MOB2: variants seen among roughly 807,000 people sequenced by gnomAD.
The protein encoded by MOB2 is MOB2 Mps One Binder homolog.
In MOB2, 14 loss-of-function variants were observed where a neutral mutation model predicts 27.4. The observed-to-expected ratio is 0.51, with a 90% CI of 0.34 to 0.80. The LOEUF is 0.80. Among genes scored for constraint, MOB2 ranks in the 30% least tolerant of loss-of-function variants. The pLI is 0.01. For missense variants in MOB2, 304 were observed against 354.6 expected (o/e 0.86, Z 1.15); for synonymous variants, 167 against 151.8 (o/e 1.10, Z -0.74).
chr11:1,469,656 T>G lies in MOB2; in HGVS notation c.*516A>C, dbSNP rs1847753261. ...GGAGCAGGAGCAGGTGCAGGGCACC[T>G]CACACCACAGGCCTCCCCCACCTCT... is the stretch of plus-strand genomic sequence containing the variant. On this transcript the variant is annotated 3_prime_UTR_variant, in exon 5 of 5. Coordinates refer to ENST00000329957, the MANE Select transcript of MOB2 (RefSeq NM_001172223.3). 1 of 457,016 alleles carries G rather than the reference T, an allele frequency of 2.2e-6. No individual in the cohort carries two copies. The highest frequency in any genetic ancestry group is 4.4e-6 in the Non-Finnish European group (1 of 227,428). 28.3% of individuals were successfully genotyped at this position (457,016 alleles called of 1,614,324 possible). A position where few individuals can be genotyped will look rare whatever the true frequency, so the allele number is the denominator to read the frequency against.
chr11:1,471,361 C>T lies in MOB2; in HGVS notation c.424G>A (p.Val142Ile), dbSNP rs373835850. 53 of 1,613,576 alleles carry T rather than the reference C, an allele frequency of 3.3e-5. No homozygotes were observed. The highest frequency in any genetic ancestry group is 3.2e-4 in the African/African-American group (24 of 75,052). The change falls in exon 4 of 5, where the codon GTT (valine) becomes ATT (isoleucine). Residue 142 changes from valine to isoleucine, a missense_variant. Transcript: ENST00000329957. Reference sequence around the variant, plus strand: ...TGCACGGAGCTCATGACGAAGTCAACGTACTGTGGGGCCGTGCACTTGACC... The same window carrying T: ...TGCACGGAGCTCATGACGAAGTCAATGTACTGTGGGGCCGTGCACTTGACC... Reference protein sequence around the residue: ...KKVKCTAPQYVDFVMSSVQKL... With the variant: ...KKVKCTAPQYIDFVMSSVQKL...
At chr11:1,481,069 G>A (rs1847907928) in intron 1 of MOB2, 184 bp from the exon 2 acceptor site, 2 of 741,122 alleles carry the variant, frequency 2.7e-6, no homozygotes, top group African/African-American at 1.8e-5. Context: ...CTCCGCAGAG[G>A]GGCCAGTGGA....
In MOB2 at chr11:1,480,810, G is replaced by C. The variant is rs769336533; in HGVS notation, c.186C>G (p.Thr62=). ...ACTGGAAGTCGGTGATCCTGGCCTT[G>C]GTGTGCTCAGGCTCCAGGTAGGCCT... ...ERKAYLEPEH[T]KARITDFQFK... is the part of the protein sequence containing the mutation. The change falls in exon 2 of 5, where the codon ACC becomes ACG. Residue 62 remains threonine (T), a synonymous_variant. Transcript: ENST00000329957. 1.0e-4 allele frequency: 159 copies of C among 1,589,590 alleles called. No individual in the cohort carries two copies. Among genetic ancestry groups the C allele is most frequent in the Non-Finnish European group, 9.3e-5 (109 of 1,168,460 alleles).
At chr11:1,480,340 G>A in intron 3 of MOB2, 53 bp downstream of exon 3, 3 of 1,541,400 alleles carry the variant, frequency 1.9e-6, no homozygotes, top group Admixed American at 1.7e-5. Flanking sequence ...CGGGGGCTCA[G>A]AGCCCCACCG....
intron 1 of MOB2, among the ~76,000 whole-genome samples, chr11:1,482,496 T>C (rs1266587977): frequency 1.3e-5 from 2 of 151,954 alleles, no homozygotes; most frequent in Non-Finnish European, 2.9e-5. Context: ...GGTCAGGAGG[T>C]AGTGAGCAGC....
intron 3 of MOB2, among the ~76,000 whole-genome samples, chr11:1,473,967 G>C (rs1423557984): frequency 4.7e-5 from 2 of 42,490 alleles, no homozygotes; most frequent in East Asian, 0.1. Flanking sequence ...TCACGTGGCA[G>C]ACGTGTCGGA....
At chr11:1,486,356 G>C in intron 1 of MOB2, 91 bp downstream of exon 1, 1 of 1,000,654 alleles carries the variant, frequency 1.0e-6, no homozygotes, top group Middle Eastern at 2.1e-4. Context: ...ACAGTCCGCC[G>C]CCTCCCCACC....
At chr11:1,473,906 G>A (rs978283426) in intron 3 of MOB2, among the ~76,000 whole-genome samples, 2 of 152,254 alleles carry the variant, frequency 1.3e-5, no homozygotes, top group African/African-American at 4.8e-5. Context: ...ATCGCACCGC[G>A]CGGATCCTCC....
intron 3 of MOB2, among the ~76,000 whole-genome samples, chr11:1,478,652 C>T (rs1394935438): frequency 6.6e-6 from 1 of 152,202 alleles, no homozygotes; most frequent in Non-Finnish European, 1.5e-5. Flanking sequence ...TGCATCTGCA[C>T]GTGTCTGTGA....
rs773883866 is a variant in MOB2 at position 1,469,973 on chromosome 11, C to G, written c.*199G>C. The G allele has an allele frequency of 9.0e-6, 12 of 1,334,616 alleles. No homozygotes were observed. The South Asian group carries it at 1.4e-4, about 15-fold the overall frequency. 82.7% of individuals were successfully genotyped at this position (1,334,616 alleles called of 1,614,324 possible). On this transcript the variant is annotated 3_prime_UTR_variant, in exon 5 of 5. Transcript: ENST00000329957. ...CAAAGGCTCTTCTCTACAAACGGCACGCATCCATCCGACAGGGGGCCACAG... is the reference window on the plus strand; with the variant it reads ...CAAAGGCTCTTCTCTACAAACGGCAGGCATCCATCCGACAGGGGGCCACAG...
intron 3 of MOB2, among the ~76,000 whole-genome samples, chr11:1,477,297 C>T (rs1847862139): frequency 6.6e-6 from 1 of 152,210 alleles, no homozygotes; most frequent in Non-Finnish European, 1.5e-5. Context: ...CTTCTTATTC[C>T]TGGTCACTTC....
At position 1,470,265 on chromosome 11, in the gene MOB2, TAG is replaced by T; in HGVS notation, c.712_713del (p.Leu238MetfsTer256). The T allele has an allele frequency of 6.2e-7, 1 of 1,612,932 alleles. No individual in the cohort carries two copies. The highest frequency in any genetic ancestry group is 2.2e-5 in the East Asian group (1 of 44,870). ...TAIMDDLTEV[L>X]CSGAGGVHSG... ...TGTGGACCCCGCCGGCCCCGCTGCA[TAG>T]CACCTCGGTGAGGTCGTCCATGATG... On this transcript the variant is annotated frameshift_variant, in exon 5 of 5. Coordinates refer to ENST00000329957, the MANE Select transcript of MOB2 (RefSeq NM_001172223.3). LOFTEE classifies it high-confidence loss of function.
In MOB2 at chr11:1,480,807, C is replaced by T; in HGVS notation, c.189G>A (p.Lys63=). 1 of 1,592,632 alleles carries T rather than the reference C, an allele frequency of 6.3e-7. No individual in the cohort carries two copies. The highest frequency in any genetic ancestry group is 8.5e-7 in the Non-Finnish European group (1 of 1,169,952). The change falls in exon 2 of 5, where the codon AAG becomes AAA. Residue 63 remains lysine (K), a synonymous_variant. Coordinates refer to ENST00000329957, the MANE Select transcript of MOB2 (RefSeq NM_001172223.3). ...TGAACTGGAAGTCGGTGATCCTGGC[C>T]TTGGTGTGCTCAGGCTCCAGGTAGG... ...RKAYLEPEHT[K]ARITDFQFKE...
rs1232395882 is a variant in MOB2 at position 1,470,751 on chromosome 11, C to T, written c.491-263G>A. Among the ~76,000 whole-genome samples the T allele has an allele frequency of 2.6e-5, 4 of 152,328 alleles. No homozygotes were observed. In the South Asian group the frequency reaches 6.2e-4, roughly 24 times the overall value. On this transcript the variant is annotated intron_variant, in intron 4 of 4. Transcript: ENST00000329957. ...GCACCTGCCCTGAGGGCTGGGAGCTCGTTGGGCCATCCTGGCCACCTCCTC... is the reference window on the plus strand; with the variant it reads ...GCACCTGCCCTGAGGGCTGGGAGCTTGTTGGGCCATCCTGGCCACCTCCTC...
At chr11:1,475,794 G>A (rs1590763451) in intron 3 of MOB2, among the ~76,000 whole-genome samples, 1 of 152,186 alleles carries the variant, frequency 6.6e-6, no homozygotes. Context: ...GAAATTAAAG[G>A]GACTTTTTTT....
chr11:1,476,838 G>A (rs1300972511), intron 3 of MOB2, among the ~76,000 whole-genome samples: 5 of 152,058 alleles, frequency 3.3e-5, no homozygotes, highest in African/African-American at 1.2e-4. Flanking sequence ...GCATCCTCTC[G>A]GACCCATGGA....
rs748897422 is a variant in MOB2, at chr11:1,469,804, C to T, written c.*368G>A. The T allele has an allele frequency of 1.9e-6, 1 of 516,142 alleles. No homozygotes were observed. Among genetic ancestry groups the T allele is most frequent in the South Asian group, 1.5e-5 (1 of 65,110 alleles). The allele number at this position is 516,142 out of a possible 1,614,324, so 32.0% of individuals were successfully genotyped here. ...CAGAGACCCAGGTCTGCAAATCACA[C>T]CCTCCCCCCACGAGTTCCTCCTTTG... On this transcript the variant is annotated 3_prime_UTR_variant, in exon 5 of 5. Coordinates refer to ENST00000329957, the MANE Select transcript of MOB2 (RefSeq NM_001172223.3).
intron 3 of MOB2, among the ~76,000 whole-genome samples, chr11:1,475,334 G>A (rs1253264090): frequency 6.6e-6 from 1 of 151,692 alleles, no homozygotes; most frequent in African/African-American, 2.4e-5. Flanking sequence ...GTGTGCACAG[G>A]GATACAGCAA....
chr11:1,486,504 G>A lies in MOB2; in HGVS notation c.53C>T (p.Ser18Phe). 1 of 1,535,886 alleles carries A rather than the reference G, an allele frequency of 6.5e-7. No homozygotes were observed. Among genetic ancestry groups the A allele is most frequent in the Admixed American group, 2.0e-5 (1 of 51,010 alleles). ...LPEDQARPGQ[S>F]LQSGLCCKMV... ...TTTGCAGCAGAGTCCACTTTGCAGG[G>A]ACTGGCCGGGCCGGGCTTGGTCTTC... Residue 18 changes from serine to phenylalanine, a missense_variant, in exon 1 of 5, where the codon TCC becomes TTC. By Grantham distance (155) the Ser-to-Phe change is radical. Transcript: ENST00000329957.
Sources: gnomAD v4.1 joint callset for allele counts (sites outside exome capture counted in the v4.1 genomes callset) on GRCh38, gnomAD v4.1.1 for gene constraint, MANE v1.5 for transcripts, NCBI Gene and HGNC (gene_info 2026-07-23, HGNC 2026-07-21) for gene names.